DPH6: variants seen among roughly 807,000 people sequenced by gnomAD.
DPH6 encodes diphthamine biosynthesis 6.
A neutral mutation model predicts 38.2 loss-of-function variants in DPH6; 33 were observed. The observed-to-expected ratio is 0.86, with a 90% CI of 0.65 to 1.15. DPH6 has a LOEUF of 1.15. Among genes scored for constraint, DPH6 ranks in the 50% most tolerant of loss-of-function variants. DPH6 has a pLI of 0.00. For missense variants in DPH6, 325 were observed against 320.0 expected, an observed-to-expected ratio of 1.02 and a Z score of -0.12; for synonymous variants, 108 against 103.0, an observed-to-expected ratio of 1.05 and a Z score of -0.30.
intron 3 of DPH6, among the ~76,000 whole-genome samples, chr15:35,510,115 C>T (rs1470385472): frequency 1.3e-5 from 2 of 152,128 alleles, no homozygotes; most frequent in African/African-American, 2.4e-5. Flanking sequence ...ACTCAGGATG[C>T]TGTGGTGGGA....
intron 3 of DPH6, among the ~76,000 whole-genome samples, chr15:35,242,962 C>T (rs1209852116): frequency 1.4e-5 from 2 of 142,328 alleles, no homozygotes; most frequent in African/African-American, 5.1e-5. Context: ...GATATCTCCT[C>T]GTGCTATCCT....
At chr15:35,517,814 C>T (rs979143139) in intron 3 of DPH6, among the ~76,000 whole-genome samples, 1 of 151,958 alleles carries the variant, frequency 6.6e-6, no homozygotes, top group African/African-American at 2.4e-5. Flanking sequence ...ATCATCAGGT[C>T]ATTTGAAGTG....
intron 5 of DPH6, among the ~76,000 whole-genome samples, chr15:35,425,685 G>T (rs904368239): frequency 1.3e-5 from 2 of 149,842 alleles, no homozygotes; most frequent in Non-Finnish European, 3.0e-5. Flanking sequence ...ATGTGTGTGT[G>T]TGTATGGGTG....
intron 3 of DPH6, among the ~76,000 whole-genome samples, chr15:35,456,296 A>T (rs2053995453): frequency 6.6e-6 from 1 of 151,898 alleles, no homozygotes; most frequent in Non-Finnish European, 1.5e-5. Context: ...TCAAAATTTT[A>T]GTTATATTCC....
At chr15:35,438,337 A>C (rs374073133) in intron 5 of DPH6, among the ~76,000 whole-genome samples, 1 of 152,206 alleles carries the variant, frequency 6.6e-6, no homozygotes, top group African/African-American at 2.4e-5. Flanking sequence ...AGCTTACTGC[A>C]ACCTCCATGT....
chr15:35,250,063 A>G (rs2051662198), intron 3 of DPH6, among the ~76,000 whole-genome samples: 1 of 152,036 alleles, frequency 6.6e-6, no homozygotes, highest in South Asian at 2.1e-4. Flanking sequence ...CTGTAGTCTC[A>G]GCTACTCAGG....
intron 5 of DPH6, among the ~76,000 whole-genome samples, chr15:35,428,054 T>C (rs1157451618): frequency 6.6e-6 from 1 of 152,008 alleles, no homozygotes; most frequent in Admixed American, 6.6e-5. Flanking sequence ...ATAATAAGCA[T>C]GCAGCAAGAT....
At chr15:35,370,228 A>G (rs1566883271), downstream of DPH6, among the ~76,000 whole-genome samples, 1 of 151,786 alleles carries the variant, frequency 6.6e-6, no homozygotes, top group Admixed American at 6.6e-5. Flanking sequence ...AACATAAAGC[A>G]CAAAGCTATC....
At chr15:35,406,350 T>C (rs933533489) in intron 6 of DPH6, among the ~76,000 whole-genome samples, 3 of 151,978 alleles carry the variant, frequency 2.0e-5, no homozygotes, top group African/African-American at 7.2e-5. Context: ...CAAGGACAGA[T>C]TGTGTCAGGG....
chr15:35,397,906 C>T (rs2168235), intron 6 of DPH6, among the ~76,000 whole-genome samples: 11,584 of 146,672 alleles, frequency 0.079, 1,167 homozygotes, highest in African/African-American at 0.22. Context: ...CACACACACA[C>T]ACACACACAA....
chr15:35,475,319 A>G (rs1377211264), intron 3 of DPH6, among the ~76,000 whole-genome samples: 1 of 152,076 alleles, frequency 6.6e-6, no homozygotes, highest in Non-Finnish European at 1.5e-5. Context: ...ATCTAGAAAT[A>G]AATGCAAACA....
downstream of DPH6, among the ~76,000 whole-genome samples, chr15:35,213,723 T>C (rs2051397808): frequency 2.6e-5 from 4 of 152,068 alleles, 1 homozygote; most frequent in South Asian, 8.3e-4. Flanking sequence ...AGATCCAAAG[T>C]CAACTGAAAG....
At position 35,478,197 on chromosome 15, in the gene DPH6, T is replaced by C. The variant is rs889637786; in HGVS notation, c.313-23377A>G. Among the ~76,000 whole-genome samples, 4 of 151,964 alleles carry C rather than the reference T, an allele frequency of 2.6e-5. No homozygotes were observed. The South Asian group carries it at 6.2e-4, about 24-fold the overall frequency. On this transcript the variant is annotated intron_variant, in intron 3 of 8. Coordinates refer to ENST00000256538, the MANE Select transcript of DPH6 (RefSeq NM_080650.4). Reference sequence around the variant, plus strand: ...ATAAGACATTCAGACAGTATCACATTATGTGTAAAGGTTACTGATAAGCCT... The same window carrying C: ...ATAAGACATTCAGACAGTATCACATCATGTGTAAAGGTTACTGATAAGCCT...
intron 5 of DPH6, among the ~76,000 whole-genome samples, chr15:35,444,878 C>T (rs1220799315): frequency 9.8e-6 from 1 of 101,612 alleles, no homozygotes; most frequent in Non-Finnish European, 2.5e-5. Context: ...AGTAATGGTC[C>T]TCAAGACCAT....
chr15:35,498,668 G>A (rs759529441), intron 3 of DPH6, among the ~76,000 whole-genome samples: 2 of 152,010 alleles, frequency 1.3e-5, no homozygotes, highest in Non-Finnish European at 1.5e-5. Context: ...CAACAGTCAC[G>A]ACCTTATATA....
chr15:35,489,290 T>C (rs1171080527), intron 3 of DPH6: 2 of 974,214 alleles, frequency 2.1e-6, no homozygotes, highest in African/African-American at 1.8e-5. Context: ...TCAAAGAAAA[T>C]GGAAAGGATA....
At chr15:35,326,127 T>C (rs1487705404), downstream of DPH6, among the ~76,000 whole-genome samples, 3 of 152,220 alleles carry the variant, frequency 2.0e-5, no homozygotes, top group Non-Finnish European at 4.4e-5. Flanking sequence ...TTTAGAAAAT[T>C]GTCAGTGTTT....
At chr15:35,229,825 G>A (rs1457673920) in intron 3 of DPH6, among the ~76,000 whole-genome samples, 1 of 152,226 alleles carries the variant, frequency 6.6e-6, no homozygotes, top group Non-Finnish European at 1.5e-5. Context: ...CAAGATCCAG[G>A]AGAATTCTCT....
chr15:35,195,851 G>A, the DPH6 span, among the ~76,000 whole-genome samples: 2 of 152,186 alleles, frequency 1.3e-5, no homozygotes, highest in African/African-American at 4.8e-5. Flanking sequence ...CTCCCACAGA[G>A]ATCCCCACCT....
Sources: allele counts gnomAD v4.1 joint callset (sites outside exome capture counted in the v4.1 genomes callset), GRCh38; gene constraint gnomAD v4.1.1; transcripts MANE v1.5; gene names NCBI Gene and HGNC (gene_info 2026-07-23, HGNC 2026-07-21).